SPATA19: variants seen among roughly 807,000 people sequenced by gnomAD.
SPATA19 encodes the protein spermatogenesis associated 19, also known as spermatogenesis-associated protein 19, mitochondrial.
SPATA19 carries 19 observed loss-of-function variants against 25.0 expected under a neutral mutation model. The ratio of observed to expected loss-of-function variants is 0.76; its 90% CI spans 0.53 to 1.11. SPATA19 has a LOEUF of 1.11. Among genes scored for constraint, SPATA19 ranks in the 50% most tolerant of loss-of-function variants. SPATA19 has a pLI of 0.00. For missense variants in SPATA19, 222 were observed against 211.4 expected (o/e 1.05, Z -0.31); for synonymous variants, 64 against 69.3 (o/e 0.92, Z 0.38).
chr11:133,843,848 T>A (rs1399578984), intron 4 of SPATA19, among the ~76,000 whole-genome samples: 1 of 152,208 alleles, frequency 6.6e-6, no homozygotes, highest in Non-Finnish European at 1.5e-5. Context: ...GAGTGCAGAA[T>A]TCTAGCCTCG....
Position 133,842,162 on chromosome 11 carries a change from T to C in SPATA19, c.438-57A>G, listed in dbSNP as rs1037071361. On this transcript the variant is annotated intron_variant, in intron 5 of 6. Transcript: ENST00000299140. Reference sequence around the variant, plus strand: ...AGGGAGGCTGCCTGATAGCAGAGCCTACCCAGACCACGGCACAGGGGCTGC... The same window carrying C: ...AGGGAGGCTGCCTGATAGCAGAGCCCACCCAGACCACGGCACAGGGGCTGC... 10 of 1,552,616 alleles carry C rather than the reference T, an allele frequency of 6.4e-6. No individual in the cohort carries two copies. In the South Asian group the frequency reaches 7.8e-5, roughly 12 times the overall value.
Position 133,844,355 on chromosome 11 carries a change from T to G in SPATA19, c.268-18A>C, listed in dbSNP as rs569537377. 39 of 1,613,290 alleles carry G rather than the reference T, an allele frequency of 2.4e-5. No homozygotes were observed. The Middle Eastern group carries it at 1.2e-3, about 48-fold the overall frequency. On this transcript the variant is annotated intron_variant, in intron 3 of 6. Transcript: ENST00000299140. ...TGCTTCACCTGGGAAATCCAGAGGG[T>G]CCATGTGATTCCTGCCCAGTGTGGC...
At chr11:133,838,459 T>G (rs377345474), downstream of SPATA19, among the ~76,000 whole-genome samples, 20 of 152,266 alleles carry the variant, frequency 1.3e-4, no homozygotes, top group East Asian at 5.8e-4. Flanking sequence ...AATGGTGCTG[T>G]GAAAACTGAC....
rs528524069 is a variant in SPATA19, at chr11:133,843,534, A to G, written c.359+712T>C. ...AAATGGAGCCTCCTTGATACAACAG[A>G]TCAACATCGATGATGCGGCAGGGAA... On this transcript the variant is annotated intron_variant, in intron 4 of 6. Transcript: ENST00000299140. Among the ~76,000 whole-genome samples, 5 of 152,286 alleles carry G rather than the reference A, an allele frequency of 3.3e-5. No homozygotes were observed. In the South Asian group the frequency reaches 1.0e-3, roughly 32 times the overall value.
downstream of SPATA19, among the ~76,000 whole-genome samples, chr11:133,839,163 C>T (rs1938258275): frequency 6.6e-6 from 1 of 152,144 alleles, no homozygotes; most frequent in Non-Finnish European, 1.5e-5. Flanking sequence ...CCATTTGACC[C>T]AGCCATCCCA....
rs538240299 is a variant in SPATA19 at position 133,840,637 on chromosome 11, TA to T, written c.*295del. 35 of 152,358 alleles carry T rather than the reference TA, an allele frequency of 2.3e-4. No individual in the cohort carries two copies. The East Asian group carries it at 2.9e-3, about 13-fold the overall frequency. The allele number at this position is 152,358 out of a possible 1,614,324, so 9.4% of individuals were successfully genotyped here. On this transcript the variant is annotated 3_prime_UTR_variant, in exon 7 of 7. Transcript: ENST00000299140. ...CCCAACCAGCAACAGGGCGGGTTGT[TA>T]AACAGCACATCTCTTTATTCGCAGT...
intron 5 of SPATA19, 72 bp downstream of exon 5, chr11:133,842,412 GA>G: frequency 8.3e-7 from 1 of 1,198,062 alleles, no homozygotes. Flanking sequence ...GTGTGGGCGG[GA>G]AACCCAGCAG....
At chr11:133,836,310 T>C (rs1442606999), downstream of SPATA19, among the ~76,000 whole-genome samples, 1 of 152,128 alleles carries the variant, frequency 6.6e-6, no homozygotes, top group East Asian at 1.9e-4. Context: ...TACTGGAGCA[T>C]GCAGGCAAAG....
downstream of SPATA19, among the ~76,000 whole-genome samples, chr11:133,839,426 C>G (rs1398811304): frequency 1.3e-5 from 2 of 150,816 alleles, no homozygotes; most frequent in African/African-American, 4.9e-5. Flanking sequence ...CAAACTATCA[C>G]AAGGACAAAA....
intron 5 of SPATA19, 37 bp downstream of exon 5, chr11:133,842,448 G>C (rs1314393310): frequency 1.3e-6 from 2 of 1,563,994 alleles, no homozygotes; most frequent in Non-Finnish European, 1.8e-6. Flanking sequence ...CCTGCCCCCA[G>C]TCAGGAACAC....
At chr11:133,839,276 C>G (rs1181851077), downstream of SPATA19, among the ~76,000 whole-genome samples, 2 of 152,144 alleles carry the variant, frequency 1.3e-5, no homozygotes, top group African/African-American at 4.8e-5. Context: ...GACTTGCAAC[C>G]AACCCAAATG....
At chr11:133,839,012 A>C (rs950617586), downstream of SPATA19, among the ~76,000 whole-genome samples, 1 of 152,368 alleles carries the variant, frequency 6.6e-6, no homozygotes, top group East Asian at 1.9e-4. Flanking sequence ...AATGGTGATC[A>C]TTAAAAAGTC....
rs112503788 is a variant in SPATA19, at chr11:133,842,480, C to G, written c.437+5G>C. 1.2e-6 allele frequency: 2 copies of G among 1,613,192 alleles called. No homozygotes were observed. The highest frequency in any genetic ancestry group is 3.3e-5 in the Admixed American group (2 of 60,014). On this transcript the variant is annotated splice_donor_5th_base_variant and intron_variant, in intron 5 of 6. Coordinates refer to ENST00000299140, the MANE Select transcript of SPATA19 (RefSeq NM_174927.3). ...ACACAAATCAAGCAGTTCCAAACAGCTTACCTTCGTCTCACCTGCTCTATT... is the reference window on the plus strand; with the variant it reads ...ACACAAATCAAGCAGTTCCAAACAGGTTACCTTCGTCTCACCTGCTCTATT...
chr11:133,842,060 T>A lies in SPATA19; in HGVS notation c.483A>T (p.Arg161Ser). 6.2e-7 allele frequency: 1 copy of A among 1,614,040 alleles called. No homozygotes were observed. The highest frequency in any genetic ancestry group is 8.5e-7 in the Non-Finnish European group (1 of 1,180,008). ...GCTCTCAGCAGTCTGAGGAGGAGGG[T>A]CTCATACTGAAGTCCTGAGCTGAGA... ...TDVSAQDFSM[R>S]PSSSDC Residue 161 changes from arginine (R) to serine (S), a missense_variant, in exon 6 of 7, where the codon AGA becomes AGT. Transcript: ENST00000299140.
downstream of SPATA19, among the ~76,000 whole-genome samples, chr11:133,839,124 G>A (rs551053258): frequency 5.9e-5 from 9 of 152,300 alleles, no homozygotes; most frequent in South Asian, 2.1e-4. Flanking sequence ...TCAGCGTGGC[G>A]ATTCCTCAGG....
At chr11:133,836,766 T>C (rs534686985), downstream of SPATA19, among the ~76,000 whole-genome samples, 59 of 152,320 alleles carry the variant, frequency 3.9e-4, no homozygotes, top group African/African-American at 1.4e-3. Flanking sequence ...TTCATCTGCC[T>C]CATCAAAATG....
chr11:133,842,144 C>T (rs1431103220), intron 5 of SPATA19, 39 bp from the exon 6 acceptor site: 1 of 1,598,604 alleles, frequency 6.3e-7, no homozygotes, highest in Non-Finnish European at 8.6e-7. Flanking sequence ...TGGAGGGAGG[C>T]TGCCTGATAG....
At chr11:133,837,964 C>A (rs1270566552), downstream of SPATA19, among the ~76,000 whole-genome samples, 2 of 152,186 alleles carry the variant, frequency 1.3e-5, no homozygotes, top group African/African-American at 4.8e-5. Context: ...GAAACCTTAA[C>A]CTCTGACATG....
downstream of SPATA19, among the ~76,000 whole-genome samples, chr11:133,837,113 G>A (rs114278278): frequency 3.1e-3 from 473 of 152,228 alleles, 2 homozygotes; most frequent in African/African-American, 0.01. Flanking sequence ...TAAGACTTCC[G>A]GGTTCTAGTT....
Sources: allele counts gnomAD v4.1 joint callset (sites outside exome capture counted in the v4.1 genomes callset), GRCh38; gene constraint gnomAD v4.1.1; transcripts MANE v1.5; gene names NCBI Gene and HGNC (gene_info 2026-07-23, HGNC 2026-07-21).